EHD4: variants seen among roughly 807,000 people sequenced by gnomAD.
EHD4 encodes EH domain containing 4.
In EHD4, 37 loss-of-function variants were observed where a neutral mutation model predicts 51.0. That is an observed-to-expected ratio of 0.73 (90% CI 0.56 to 0.95). The LOEUF is 0.95. Among genes scored for constraint, EHD4 ranks in the 40% least tolerant of loss-of-function variants. The pLI is 0.00. For missense variants in EHD4, 632 were observed against 733.1 expected (o/e 0.86, Z 1.59); for synonymous variants, 297 against 317.3 (o/e 0.94, Z 0.68).
chr15:41,902,825 A>G lies in EHD4; in HGVS notation c.1090-1644T>C, dbSNP rs377409360. Among the ~76,000 whole-genome samples the G allele has an allele frequency of 7.1e-5, 8 of 112,586 alleles. No homozygotes were observed. In the East Asian group the frequency reaches 3.1e-3, roughly 44 times the overall value. The allele number at this position is 112,586 out of a possible 152,430, so 73.9% of individuals were successfully genotyped here. A position where few individuals can be genotyped will look rare whatever the true frequency, so the allele number is the denominator to read the frequency against. On this transcript the variant is annotated intron_variant, in intron 5 of 5. Coordinates refer to ENST00000220325, the MANE Select transcript of EHD4 (RefSeq NM_139265.4). ...TATGTATGTGTATATATATGTATGT[A>G]TATATATACATATGTATATATATAT...
chr15:41,918,217 T>TACACACACACACACACAC (rs10682608), intron 4 of EHD4, among the ~76,000 whole-genome samples: 45 of 147,394 alleles, frequency 3.1e-4, no homozygotes, highest in African/African-American at 1.1e-3. Context: ...CAGGGAGCTT[T>TACACACACACACACACAC]ACACACACAC....
intron 4 of EHD4, among the ~76,000 whole-genome samples, chr15:41,911,223 A>G (rs542268940): frequency 6.6e-6 from 1 of 152,232 alleles, no homozygotes; most frequent in Non-Finnish European, 1.5e-5. Flanking sequence ...TAACAGAAGC[A>G]TGCACTGTGC....
chr15:41,913,397 AGAG>A (rs1354291168), intron 4 of EHD4, among the ~76,000 whole-genome samples: 1 of 152,192 alleles, frequency 6.6e-6, no homozygotes, highest in Non-Finnish European at 1.5e-5. Context: ...CTAATTGGGA[AGAG>A]GAGGAGTACG....
At position 41,913,591 on chromosome 15, in the gene EHD4, T is replaced by C. The variant is rs1391450359; in HGVS notation, c.925-3728A>G. ...GTTATTATGAGAATAAAAGAGGTCA[T>C]GTATTTGAATGCACTCTGCTCACTA... On this transcript the variant is annotated intron_variant, in intron 4 of 5. Transcript: ENST00000220325. 2.6e-5 allele frequency among the ~76,000 whole-genome samples: 4 copies of C among 152,312 alleles called. No homozygotes were observed. In the East Asian group the frequency reaches 7.7e-4, roughly 29 times the overall value.
Position 41,899,900 on chromosome 15 carries a change from G to T in EHD4, c.*745C>A, listed in dbSNP as rs1423822883. ...GGAAGTTTTGCCAGGGGTTAATAAA[G>T]GTTGTGAATTCCAAATTCCTAGCCG... On this transcript the variant is annotated 3_prime_UTR_variant, in exon 6 of 6. Coordinates refer to ENST00000220325, the MANE Select transcript of EHD4 (RefSeq NM_139265.4). 6.6e-6 allele frequency: 1 copy of T among 152,234 alleles called. No homozygotes were observed. Among genetic ancestry groups the T allele is most frequent in the Non-Finnish European group, 1.5e-5 (1 of 68,030 alleles). 9.4% of individuals were successfully genotyped at this position (152,234 alleles called of 1,614,324 possible).
At chr15:41,949,068 A>G (rs1317827913) in intron 2 of EHD4, among the ~76,000 whole-genome samples, 2 of 139,296 alleles carry the variant, frequency 1.4e-5, no homozygotes, top group African/African-American at 2.6e-5. Flanking sequence ...ATACACACAC[A>G]CATACATATA....
intron 3 of EHD4, among the ~76,000 whole-genome samples, chr15:41,931,702 AG>A (rs1485369835): frequency 6.7e-6 from 1 of 148,706 alleles, no homozygotes; most frequent in East Asian, 2.0e-4. Flanking sequence ...TTTGAGACGG[AG>A]TCTAGCTCTG....
At chr15:41,910,039 A>C (rs1164308357) in intron 4 of EHD4, among the ~76,000 whole-genome samples, 176 bp from the exon 5 acceptor site, 1 of 152,160 alleles carries the variant, frequency 6.6e-6, no homozygotes, top group African/African-American at 2.4e-5. Flanking sequence ...GGGTGGCCGG[A>C]ATGTGGCCAG....
intron 5 of EHD4, among the ~76,000 whole-genome samples, chr15:41,902,502 T>C (rs539504720): frequency 6.6e-6 from 1 of 152,240 alleles, no homozygotes; most frequent in East Asian, 1.9e-4. Context: ...TGAGCTTATG[T>C]TGTAATGGAG....
chr15:41,938,233 T>C (rs1017705197), intron 3 of EHD4, among the ~76,000 whole-genome samples: 10 of 152,212 alleles, frequency 6.6e-5, no homozygotes, highest in Non-Finnish European at 1.5e-4. Flanking sequence ...TTAGCTGTGT[T>C]GGCAGGCCCT....
chr15:41,909,927 A>G (rs563435318), intron 4 of EHD4, 64 bp from the exon 5 acceptor site: 1 of 1,592,324 alleles, frequency 6.3e-7, no homozygotes, highest in African/African-American at 1.3e-5. Context: ...GGAACAAACA[A>G]GATTGCATCT....
intron 3 of EHD4, chr15:41,928,944 G>A (rs2067681059): frequency 6.6e-6 from 1 of 152,284 alleles, no homozygotes; most frequent in African/African-American, 2.4e-5. Flanking sequence ...ACCCGGTCTG[G>A]GAGACTGCCC....
chr15:41,901,299 A>T, intron 5 of EHD4, 118 bp from the exon 6 acceptor site: 1 of 1,098,596 alleles, frequency 9.1e-7, no homozygotes, highest in Non-Finnish European at 1.3e-6. Context: ...ACTACTCAGG[A>T]GTGCACTCTT....
chr15:41,958,191 C>CT (rs2067900201), intron 1 of EHD4, among the ~76,000 whole-genome samples: 1 of 151,876 alleles, frequency 6.6e-6, no homozygotes, highest in Non-Finnish European at 1.5e-5. Flanking sequence ...GCTTTGGAGA[C>CT]TTGATTTTTG....
At chr15:41,919,042 G>A (rs1329185286) in intron 4 of EHD4, among the ~76,000 whole-genome samples, 168 bp downstream of exon 4, 2 of 152,214 alleles carry the variant, frequency 1.3e-5, no homozygotes, top group Admixed American at 1.3e-4. Context: ...AGAGCCAGGA[G>A]CTAGGGTGTC....
At chr15:41,919,753 A>T in intron 3 of EHD4, 131 bp from the exon 4 acceptor site, 2 of 862,150 alleles carry the variant, frequency 2.3e-6, no homozygotes, top group Non-Finnish European at 3.2e-6. Flanking sequence ...GAGGCAGTGG[A>T]GGCCTGGTGA....
chr15:41,929,768 A>C (rs923239950), intron 3 of EHD4, among the ~76,000 whole-genome samples: 1 of 152,206 alleles, frequency 6.6e-6, no homozygotes, highest in Non-Finnish European at 1.5e-5. Context: ...CTTAAATTTT[A>C]GCTATATAGG....
chr15:41,915,911 C>T (rs758921744), intron 4 of EHD4, among the ~76,000 whole-genome samples: 5 of 152,116 alleles, frequency 3.3e-5, no homozygotes, highest in Admixed American at 6.6e-5. Context: ...AATATACAAA[C>T]AGAAAAAGAA....
Position 41,900,729 on chromosome 15 carries a change from CT to C in EHD4, c.1541del (p.Lys514SerfsTer50). 1 of 1,612,860 alleles carries C rather than the reference CT, an allele frequency of 6.2e-7. No homozygotes were observed. Among genetic ancestry groups the C allele is most frequent in the South Asian group, 1.1e-5 (1 of 91,084 alleles). On this transcript the variant is annotated frameshift_variant, in exon 6 of 6. Coordinates refer to ENST00000220325, the MANE Select transcript of EHD4 (RefSeq NM_139265.4). LOFTEE classifies it high-confidence loss of function. The surrounding 1 kb of genome is among the most constrained non-coding windows in gnomAD (Gnocchi z 4.8). The part of the protein sequence containing the change: ...FALAKHLIKI[K>X]LDGYELPSSL... ...TGCTGGGCAGCTCGTAGCCGTCGAG[CT>C]TGATCTTGATGAGGTGCTTGGCCAG...
Sources: gnomAD v4.1 joint callset for allele counts (sites outside exome capture counted in the v4.1 genomes callset) on GRCh38, gnomAD v4.1.1 for gene constraint, Gnocchi (gnomAD v3.1) non-coding constraint, MANE v1.5 for transcripts, NCBI Gene and HGNC (gene_info 2026-07-23, HGNC 2026-07-21) for gene names.